Variants in TENM3 observed in about 807,000 individuals in gnomAD.
TENM3 encodes the protein teneurin-3.
A neutral mutation model predicts 255.1 loss-of-function variants in TENM3; 63 were observed. That is an observed-to-expected ratio of 0.25 (90% CI 0.20 to 0.30). The LOEUF is 0.30. Ranked by LOEUF, TENM3 falls within the 10% of genes least tolerant of loss-of-function variation. The pLI is 1.00. For missense variants in TENM3, 2,929 were observed against 3,461.1 expected (o/e 0.85, Z 3.86); for synonymous variants, 1,306 against 1,322.3 (o/e 0.99, Z 0.27).
At chr4:181,944,422 C>T in the TENM3 span, among the ~76,000 whole-genome samples, 18,368 of 150,908 alleles carry the variant, frequency 0.12, 1,310 homozygotes, top group South Asian at 0.28. Context: ...GTTGAGCACC[C>T]ACACTGGCGA....
At chr4:182,570,850 C>G (rs543889780) in intron 3 of TENM3, among the ~76,000 whole-genome samples, 1 of 150,482 alleles carries the variant, frequency 6.6e-6, no homozygotes, top group East Asian at 1.9e-4. Context: ...ACAAAACAAA[C>G]AAACTTAGAA....
intron 13 of TENM3, among the ~76,000 whole-genome samples, chr4:182,716,269 A>G (rs1053440158): frequency 2.0e-5 from 3 of 152,234 alleles, no homozygotes; most frequent in African/African-American, 7.2e-5. Context: ...CTGCAGGACC[A>G]AGTCTGCAGA....
chr4:181,544,429 A>AAAAAAAAAAAAAAAAAAC, the TENM3 span, among the ~76,000 whole-genome samples: 1 of 146,058 alleles, frequency 6.8e-6, no homozygotes, highest in Admixed American at 6.8e-5. Context: ...AAAAAAAAAA[A>AAAAAAAAAAAAAAAAAAC]AAAAAAACTA....
intron 18 of TENM3, among the ~76,000 whole-genome samples, chr4:182,742,595 T>C (rs968876899): frequency 2.0e-5 from 3 of 152,242 alleles, no homozygotes; most frequent in Non-Finnish European, 4.4e-5. Flanking sequence ...AAGAAAATTA[T>C]AAATTCAAAA....
the TENM3 span, among the ~76,000 whole-genome samples, chr4:181,836,760 T>C: frequency 1.9e-4 from 29 of 152,220 alleles, no homozygotes; most frequent in Non-Finnish European, 4.1e-4. Flanking sequence ...CACTTCCGTA[T>C]GTATTTCAGA....
At chr4:182,319,883 C>A (rs769895947) in intron 1 of TENM3, among the ~76,000 whole-genome samples, 18 of 152,258 alleles carry the variant, frequency 1.2e-4, no homozygotes, top group Non-Finnish European at 1.8e-4. Flanking sequence ...GAGGCCAAGG[C>A]GGGCAGATCA....
At chr4:182,093,764 C>T in the TENM3 span, among the ~76,000 whole-genome samples, 22 of 152,090 alleles carry the variant, frequency 1.4e-4, no homozygotes, top group Admixed American at 2.6e-4. Flanking sequence ...CACCAGGGCA[C>T]GCTTCCACGA....
the TENM3 span, among the ~76,000 whole-genome samples, chr4:181,590,277 C>T: frequency 6.6e-6 from 1 of 152,152 alleles, no homozygotes; most frequent in African/African-American, 2.4e-5. Flanking sequence ...TGGGAAAAAG[C>T]ATCAGTGGAA....
chr4:182,019,557 A>T, the TENM3 span, among the ~76,000 whole-genome samples: 1 of 152,258 alleles, frequency 6.6e-6, no homozygotes, highest in East Asian at 1.9e-4. Context: ...GTTATGAAAA[A>T]GTAAAAACCA....
chr4:181,798,256 A>G, the TENM3 span, among the ~76,000 whole-genome samples: 1 of 152,096 alleles, frequency 6.6e-6, no homozygotes, highest in Non-Finnish European at 1.5e-5. Flanking sequence ...CTTGGGTCAT[A>G]CAAGTTGGAA....
At chr4:181,474,750 A>AAG in the TENM3 span, among the ~76,000 whole-genome samples, 2 of 151,602 alleles carry the variant, frequency 1.3e-5, no homozygotes, top group Non-Finnish European at 2.9e-5. Context: ...AAAAAAAAAA[A>AAG]AAACAAAGAA....
At chr4:182,176,068 C>T (rs537994611) in intron 1 of TENM3, among the ~76,000 whole-genome samples, 21 of 152,202 alleles carry the variant, frequency 1.4e-4, no homozygotes, top group African/African-American at 4.6e-4. Context: ...TTAATGATTT[C>T]GTTAGTGAGT....
At chr4:182,018,129 C>A in the TENM3 span, among the ~76,000 whole-genome samples, 1 of 151,942 alleles carries the variant, frequency 6.6e-6, no homozygotes, top group African/African-American at 2.4e-5. Context: ...GATAACTTAC[C>A]GTGTATGACT....
the TENM3 span, among the ~76,000 whole-genome samples, chr4:181,477,512 T>C: frequency 2.0e-5 from 3 of 152,200 alleles, no homozygotes; most frequent in African/African-American, 7.2e-5. Flanking sequence ...ATTAGAAATA[T>C]GTAAAGGTTT....
At chr4:182,492,267 C>T (rs1404540884) in intron 3 of TENM3, among the ~76,000 whole-genome samples, 1 of 152,034 alleles carries the variant, frequency 6.6e-6, no homozygotes, top group African/African-American at 2.4e-5. Context: ...CTAACATTTC[C>T]TGAAATGATT....
the TENM3 span, among the ~76,000 whole-genome samples, chr4:181,959,657 A>G: frequency 6.6e-6 from 1 of 151,950 alleles, no homozygotes; most frequent in Non-Finnish European, 1.5e-5. Context: ...GGGAGGGGGG[A>G]CATCTTACAT....
chr4:182,431,351 G>A (rs138806618), intron 3 of TENM3, among the ~76,000 whole-genome samples: 6 of 151,694 alleles, frequency 4.0e-5, no homozygotes, highest in Admixed American at 2.0e-4. Context: ...AAAATTAGCT[G>A]GGCGTGGTGG....
rs1762583377 is a variant in TENM3 at position 182,754,448 on chromosome 4, G to A, written c.4081G>A (p.Asp1361Asn). ...TATGGATAACTCCATTTATGTCCTG[G>A]ATAATAATGTAGTTTTACAGATCAC... ...NPMDNSIYVL[D>N]NNVVLQITEN... The change falls in exon 22 of 28, where the codon GAT (aspartate) becomes AAT (asparagine). Residue 1361 changes from aspartate (D) to asparagine (N), a missense_variant. Physicochemically the swap from Asp to Asn is conservative, Grantham distance 23. Transcript: ENST00000511685. This position sits in a 1 kb window ranked among gnomAD's most constrained non-coding sequence, Gnocchi z 5.1. 1.7e-5 allele frequency: 27 copies of A among 1,611,558 alleles called. No individual in the cohort carries two copies. The highest frequency in any genetic ancestry group is 2.2e-5 in the Non-Finnish European group (26 of 1,178,728).
chr4:182,651,509 G>A (rs1034830425), intron 5 of TENM3, among the ~76,000 whole-genome samples: 2 of 152,020 alleles, frequency 1.3e-5, no homozygotes, highest in African/African-American at 4.8e-5. Flanking sequence ...TGGGCAGAAC[G>A]GTGAAACCCC....
Sources: allele counts gnomAD v4.1 joint callset (sites outside exome capture counted in the v4.1 genomes callset), GRCh38; gene constraint gnomAD v4.1.1; non-coding constraint Gnocchi (gnomAD v3.1); transcripts MANE v1.5; gene names NCBI Gene and HGNC (gene_info 2026-07-23, HGNC 2026-07-21).